SLC25A23: variants seen among roughly 807,000 people sequenced by gnomAD.
The protein encoded by SLC25A23 is solute carrier family 25 member 23.
A neutral mutation model predicts 53.9 loss-of-function variants in SLC25A23; 32 were observed. The ratio of observed to expected loss-of-function variants is 0.59; its 90% CI spans 0.45 to 0.80. The LOEUF is 0.80. SLC25A23 is among the 30% of genes least tolerant of loss of function. The pLI is 0.00. For synonymous variants in SLC25A23, 275 were observed against 264.5 expected (o/e 1.04, Z -0.38); for missense variants, 575 against 651.4 (o/e 0.88, Z 1.28).
At position 6,444,279 on chromosome 19, in the gene SLC25A23, T is replaced by C. The variant is rs1414334927; in HGVS notation, c.1094A>G (p.Gln365Arg). 1 of 1,608,080 alleles carries C rather than the reference T, an allele frequency of 6.2e-7. No homozygotes were observed. The highest frequency in any genetic ancestry group is 1.3e-5 in the African/African-American group (1 of 74,986). The change falls in exon 9 of 10, where the codon CAG becomes CGG. Residue 365 changes from glutamine (Q) to arginine (R), a missense_variant. Gln to Arg is a conservative substitution (Grantham distance 43, BLOSUM62 1). Transcript: ENST00000301454. ...VYETLKNWWLQQYSHDSADPG... is the reference protein window; with the variant it reads ...VYETLKNWWLRQYSHDSADPG... ...GTCTGCCGAGTCGTGGCTGTACTGC[T>C]GAAGCCACCAGTTCTTCAGAGTCTG... is the stretch of plus-strand genomic sequence containing the variant.
intron 8 of SLC25A23, among the ~76,000 whole-genome samples, chr19:6,445,900 AACAC>A (rs1248507831): frequency 6.9e-6 from 1 of 144,740 alleles, no homozygotes; most frequent in African/African-American, 2.8e-5. Flanking sequence ...AAAACAAACA[AACAC>A]ACAAACAAAC....
In SLC25A23 at chr19:6,441,064, G is replaced by C. The variant is rs564845560; in HGVS notation, c.*911C>G. On this transcript the variant is annotated 3_prime_UTR_variant, in exon 10 of 10. Coordinates refer to ENST00000301454, the MANE Select transcript of SLC25A23 (RefSeq NM_024103.3). ...CACTTGCTGTGCCACTGGGGCCCCC[G>C]CACTTGTTTTAGGAGCCAGAATCTG... The C allele has an allele frequency of 2.0e-5, 3 of 152,176 alleles. No individual in the cohort carries two copies. The highest frequency in any genetic ancestry group is 2.0e-4 in the Admixed American group (3 of 15,262). 9.4% of individuals were successfully genotyped at this position (152,176 alleles called of 1,614,324 possible).
intron 7 of SLC25A23, among the ~76,000 whole-genome samples, chr19:6,453,093 A>G (rs2092616757): frequency 6.6e-6 from 1 of 152,106 alleles, no homozygotes; most frequent in African/African-American, 2.4e-5. Flanking sequence ...GGAGTGTGGA[A>G]TGTGATGAAC....
rs1348443154 is a variant in SLC25A23, at chr19:6,441,528, T to C, written c.*447A>G. ...GATCCATTCACTGATTTGTGTGGGA[T>C]CCAGTGGTTAAGACGTAGAGGTCCA... On this transcript the variant is annotated 3_prime_UTR_variant, in exon 10 of 10. Transcript: ENST00000301454. 1 of 184,242 alleles carries C rather than the reference T, an allele frequency of 5.4e-6. No homozygotes were observed. Among genetic ancestry groups the C allele is most frequent in the East Asian group, 1.7e-4 (1 of 5,804 alleles). The allele number at this position is 184,242 out of a possible 1,614,324, so 11.4% of individuals were successfully genotyped here. A position where few individuals can be genotyped will look rare whatever the true frequency, so the allele number is the denominator to read the frequency against.
chr19:6,439,405 A>T (rs997918050), downstream of SLC25A23, among the ~76,000 whole-genome samples: 379 of 140,888 alleles, frequency 2.7e-3, 3 homozygotes, highest in African/African-American at 0.01. Flanking sequence ...TCTCTCACAC[A>T]CACACACACA....
chr19:6,436,466 T>C (rs1020145627), downstream of SLC25A23: 21 of 455,914 alleles, frequency 4.6e-5, no homozygotes, highest in Non-Finnish European at 4.8e-5. Flanking sequence ...GACCACCGGC[T>C]TCCTCCAGAG....
In SLC25A23 at chr19:6,454,232, C is replaced by T; in HGVS notation, c.795+91G>A. ...ATGCCTGATCCTGGGGACCTGTGTT[C>T]ACCACCCACCCCCAAGCCAATCCCG... On this transcript the variant is annotated intron_variant, in intron 6 of 9. Transcript: ENST00000301454. The surrounding 1 kb of genome is among the most constrained non-coding windows in gnomAD (Gnocchi z 4.3). The T allele has an allele frequency of 7.2e-6, 11 of 1,537,266 alleles. No individual in the cohort carries two copies. Among genetic ancestry groups the T allele is most frequent in the Non-Finnish European group, 9.7e-6 (11 of 1,136,232 alleles).
chr19:6,437,934 C>G (rs190640814), downstream of SLC25A23, among the ~76,000 whole-genome samples: 2,559 of 124,832 alleles, frequency 0.02, 33 homozygotes, highest in South Asian at 0.047. Context: ...AATTAGCTGG[C>G]TGTGGTGGCG....
At chr19:6,443,653 A>G in intron 9 of SLC25A23, 1 of 696,870 alleles carries the variant, frequency 1.4e-6, no homozygotes, top group Admixed American at 2.1e-5. Context: ...GTACACTGAC[A>G]CATCTCCAGT....
intron 9 of SLC25A23, among the ~76,000 whole-genome samples, chr19:6,443,857 C>T (rs2144807727): frequency 6.6e-6 from 1 of 152,272 alleles, no homozygotes; most frequent in South Asian, 2.1e-4. Flanking sequence ...ATAACCCAGG[C>T]TTACAAATTA....
At chr19:6,458,363 C>T (rs188021393) in intron 1 of SLC25A23, 39 bp from the exon 2 acceptor site, 308 of 1,602,396 alleles carry the variant, frequency 1.9e-4, no homozygotes, top group Non-Finnish European at 2.5e-4. Context: ...CTCCAGGAAC[C>T]TGCTCCTGAT....
At chr19:6,447,650 A>T (rs114274889) in intron 8 of SLC25A23, among the ~76,000 whole-genome samples, 1,918 of 151,054 alleles carry the variant, frequency 0.013, 40 homozygotes, top group African/African-American at 0.044. Flanking sequence ...GATTACAGGC[A>T]TGTGCCACCA....
In SLC25A23 at chr19:6,452,400, C is replaced by G. The variant is rs2092605508; in HGVS notation, c.983G>C (p.Arg328Thr). The G allele has an allele frequency of 6.2e-7, 1 of 1,613,898 alleles. No homozygotes were observed. Among genetic ancestry groups the G allele is most frequent in the Admixed American group, 1.7e-5 (1 of 59,994 alleles). Residue 328 changes from arginine to threonine, a missense_variant, in exon 8 of 10, where the codon AGG becomes ACG. Physicochemically the swap from Arg to Thr is moderately conservative, Grantham distance 71 (BLOSUM62 -1). Coordinates refer to ENST00000301454, the MANE Select transcript of SLC25A23 (RefSeq NM_024103.3). The stretch of plus-strand genomic sequence containing the variant: ...GCGGTAGAAGGCACGGGGCCCCTCC[C>G]TCTCCAGGATACGCCTGGCGCAGTC... ...LLDCARRILE[R>T]EGPRAFYRGY...
intron 8 of SLC25A23, among the ~76,000 whole-genome samples, chr19:6,451,754 T>C (rs2092594837): frequency 6.6e-6 from 1 of 152,094 alleles, no homozygotes; most frequent in South Asian, 2.1e-4. Flanking sequence ...GAAGATGACA[T>C]TGGCTTAGAG....
chr19:6,455,580 C>A (rs927247325), intron 4 of SLC25A23, among the ~76,000 whole-genome samples: 1 of 152,156 alleles, frequency 6.6e-6, no homozygotes, highest in African/African-American at 2.4e-5. Context: ...ACAGACGGAT[C>A]CCCCTCCAGA....
chr19:6,444,338 G>T, intron 8 of SLC25A23, 37 bp from the exon 9 acceptor site: 9 of 1,496,026 alleles, frequency 6.0e-6, no homozygotes, highest in African/African-American at 1.4e-5. Context: ...GTTGGGGTGG[G>T]TGACCCTAGG....
chr19:6,440,159 A>G lies in SLC25A23; in HGVS notation c.*1816T>C, dbSNP rs2092398133. On this transcript the variant is annotated 3_prime_UTR_variant, in exon 10 of 10. Transcript: ENST00000301454. The stretch of plus-strand genomic sequence containing the variant: ...CGCAGTGGAGGTCGAAGGAGGTGGA[A>G]GCGTGCGGAAGTCCTCCAGCCCCTC... 1 of 152,344 alleles carries G rather than the reference A, an allele frequency of 6.6e-6. No homozygotes were observed. Among genetic ancestry groups the G allele is most frequent in the Non-Finnish European group, 1.5e-5 (1 of 67,992 alleles). 9.4% of individuals were successfully genotyped at this position (152,344 alleles called of 1,614,324 possible).
chr19:6,449,888 G>A (rs2092563068), intron 8 of SLC25A23, among the ~76,000 whole-genome samples: 1 of 137,082 alleles, frequency 7.3e-6, no homozygotes, highest in Non-Finnish European at 1.5e-5. Context: ...TTGAGATGGA[G>A]TTTCACTCTG....
In SLC25A23 at chr19:6,455,136, C is replaced by T. The variant is rs569188446; in HGVS notation, c.484-419G>A. Among the ~76,000 whole-genome samples, 18 of 152,000 alleles carry T rather than the reference C, an allele frequency of 1.2e-4. No individual in the cohort carries two copies. In the East Asian group the frequency reaches 1.4e-3, roughly 11 times the overall value. Reference sequence around the variant, plus strand: ...AGATCCCCTCTCTACAAAAATTGGCCGGGCATGTGCCTGTAGTCCCAGCTA... The same window carrying T: ...AGATCCCCTCTCTACAAAAATTGGCTGGGCATGTGCCTGTAGTCCCAGCTA... On this transcript the variant is annotated intron_variant, in intron 4 of 9. Coordinates refer to ENST00000301454, the MANE Select transcript of SLC25A23 (RefSeq NM_024103.3).
Sources: allele counts gnomAD v4.1 joint callset (sites outside exome capture counted in the v4.1 genomes callset), GRCh38; gene constraint gnomAD v4.1.1; non-coding constraint Gnocchi (gnomAD v3.1); transcripts MANE v1.5; gene names NCBI Gene and HGNC (gene_info 2026-07-23, HGNC 2026-07-21).